The following PALLD variants were observed in gnomAD, a reference collection of about 807,000 sequenced individuals.
PALLD encodes the protein palladin, cytoskeletal associated protein.
In PALLD, 61 loss-of-function variants were observed where a neutral mutation model predicts 123.5. The observed-to-expected ratio is 0.49, with a 90% CI of 0.40 to 0.61. The LOEUF is 0.61. PALLD is among the 20% of genes least tolerant of loss of function. The pLI is 0.00. For missense variants in PALLD, 1,273 were observed against 1,377.0 expected, an observed-to-expected ratio of 0.92 and a Z score of 1.20; for synonymous variants, 465 against 496.4, an observed-to-expected ratio of 0.94 and a Z score of 0.84.
intron 20 of PALLD, 49 bp from the exon 21 acceptor site, chr4:168,925,179 GTGTTT>G: frequency 1.3e-6 from 2 of 1,580,308 alleles, no homozygotes; most frequent in Non-Finnish European, 1.7e-6. Flanking sequence ...AACAACTATT[GTGTTT>G]TATTTGTCAA....
At position 168,924,570 on chromosome 4, in the gene PALLD, G is replaced by A. The variant is rs113804092; in HGVS notation, c.3224+150G>A. The A allele has an allele frequency of 3.1e-4, 251 of 811,046 alleles. 1 individual carries two copies. The African/African-American group carries it at 3.5e-3, about 11-fold the overall frequency. 50.2% of individuals were successfully genotyped at this position (811,046 alleles called of 1,614,324 possible). A position where few individuals can be genotyped will look rare whatever the true frequency, so the allele number is the denominator to read the frequency against. On this transcript the variant is annotated intron_variant, in intron 19 of 21. Coordinates refer to ENST00000505667, the MANE Select transcript of PALLD (RefSeq NM_001166108.2). The stretch of plus-strand genomic sequence containing the variant: ...AATCAATCAAAGACAAAAACCATGC[G>A]TTACCCAATGTAGGATTAAGCTTTT...
intron 10 of PALLD, among the ~76,000 whole-genome samples, chr4:168,795,860 C>T (rs1738424645): frequency 6.6e-6 from 1 of 152,016 alleles, no homozygotes; most frequent in African/African-American, 2.4e-5. Context: ...AGGCAAGCAC[C>T]ACCACATCTG....
intron 10 of PALLD, among the ~76,000 whole-genome samples, chr4:168,824,581 A>G (rs2150812507): frequency 6.6e-6 from 1 of 152,224 alleles, no homozygotes; most frequent in East Asian, 1.9e-4. Flanking sequence ...AATATCATAT[A>G]CTAATACAAG....
In PALLD at chr4:168,913,983, A is replaced by G. The variant is rs1059444; in HGVS notation, c.2679A>G (p.Arg893=). Residue 893 remains arginine, a synonymous_variant, in exon 16 of 22, where the codon CGA becomes CGG. Coordinates refer to ENST00000505667, the MANE Select transcript of PALLD (RefSeq NM_001166108.2). ...TACAGGCTGTCAACCAAAGAGGTCG[A>G]AGTCCCCGGTCTCCCTCAGGCCATC... ...LMVQAVNQRG[R]SPRSPSGHPH... The G allele has an allele frequency of 0.1, 162,484 of 1,611,468 alleles. 9,124 individuals are homozygous for G. Among genetic ancestry groups the G allele is most frequent in the African/African-American group, 0.2 (14,945 of 74,884 alleles).
intron 10 of PALLD, among the ~76,000 whole-genome samples, chr4:168,724,171 T>A (rs1235010660): frequency 6.6e-6 from 1 of 152,238 alleles, no homozygotes; most frequent in Non-Finnish European, 1.5e-5. Flanking sequence ...ATTCCTCATT[T>A]GTGTATTTTA....
chr4:168,701,710 C>T lies in PALLD; in HGVS notation c.1502-7318C>T, dbSNP rs570218817. ...TGGCAAGGACATTTCTCTCAGTGTTCCCAGAACCTCTGTCTTTCCAGGTGT... is the reference window on the plus strand; with the variant it reads ...TGGCAAGGACATTTCTCTCAGTGTTTCCAGAACCTCTGTCTTTCCAGGTGT... On this transcript the variant is annotated intron_variant, in intron 8 of 21. Transcript: ENST00000505667. Among the ~76,000 whole-genome samples the T allele has an allele frequency of 2.0e-5, 3 of 152,290 alleles. No homozygotes were observed. The East Asian group carries it at 5.8e-4, about 29-fold the overall frequency.
At chr4:168,592,177 C>T (rs1303695871) in intron 2 of PALLD, among the ~76,000 whole-genome samples, 1 of 152,036 alleles carries the variant, frequency 6.6e-6, no homozygotes, top group Non-Finnish European at 1.5e-5. Context: ...CCACCACGCA[C>T]CTGTAAGATT....
chr4:168,768,389 A>G (rs1321241386), intron 10 of PALLD, among the ~76,000 whole-genome samples: 1 of 152,208 alleles, frequency 6.6e-6, no homozygotes, highest in African/African-American at 2.4e-5. Context: ...CTGAACCTGG[A>G]ACACTTTGTT....
chr4:168,603,232 C>A (rs1394574893), intron 2 of PALLD, among the ~76,000 whole-genome samples: 2 of 152,154 alleles, frequency 1.3e-5, no homozygotes, highest in Admixed American at 6.5e-5. Flanking sequence ...CAGTGTTTAT[C>A]AACATTTTAA....
chr4:168,811,264 G>A (rs1179771923), intron 10 of PALLD, among the ~76,000 whole-genome samples: 1 of 152,158 alleles, frequency 6.6e-6, no homozygotes. Context: ...GCGTCTTGGT[G>A]TTTTTCCAGT....
intron 2 of PALLD, among the ~76,000 whole-genome samples, chr4:168,575,141 T>G (rs1166062881): frequency 6.6e-6 from 1 of 152,062 alleles, no homozygotes; most frequent in African/African-American, 2.4e-5. Context: ...TTCTCTCACT[T>G]TAGTATGCAT....
At chr4:168,743,972 G>A (rs1165227586) in intron 10 of PALLD, among the ~76,000 whole-genome samples, 1 of 152,134 alleles carries the variant, frequency 6.6e-6, no homozygotes, top group Non-Finnish European at 1.5e-5. Context: ...TATAGATAGA[G>A]GGGAATCCCA....
intron 2 of PALLD, among the ~76,000 whole-genome samples, chr4:168,594,261 T>G (rs59813222): frequency 0.099 from 15,046 of 152,148 alleles, 810 homozygotes; most frequent in Admixed American, 0.13. Context: ...AGATGGAATT[T>G]GATGATCAGT....
At chr4:168,811,741 C>T (rs926900704) in intron 10 of PALLD, among the ~76,000 whole-genome samples, 34 of 143,940 alleles carry the variant, frequency 2.4e-4, no homozygotes, top group Non-Finnish European at 5.1e-4. Context: ...GACCCTGTCT[C>T]TCTTTCTCTC....
chr4:168,514,590 T>C (rs776878581), intron 2 of PALLD, among the ~76,000 whole-genome samples: 2 of 152,228 alleles, frequency 1.3e-5, no homozygotes, highest in Non-Finnish European at 2.9e-5. Context: ...AATTTGTTTC[T>C]TACATTTTAC....
At chr4:168,546,754 G>A (rs142430394) in intron 2 of PALLD, among the ~76,000 whole-genome samples, 159 of 152,250 alleles carry the variant, frequency 1.0e-3, no homozygotes, top group African/African-American at 3.5e-3. Flanking sequence ...AAAACTAAGC[G>A]CAAATTCCAA....
chr4:168,890,143 C>G (rs1243481030), intron 10 of PALLD, among the ~76,000 whole-genome samples: 1 of 152,188 alleles, frequency 6.6e-6, no homozygotes, highest in African/African-American at 2.4e-5. Context: ...AGAAGTGATT[C>G]TGTACCCCTC....
At chr4:168,794,072 G>A (rs867239419) in intron 10 of PALLD, among the ~76,000 whole-genome samples, 58 of 152,212 alleles carry the variant, frequency 3.8e-4, no homozygotes, top group African/African-American at 1.2e-3. Context: ...GGCTCCTCCC[G>A]TCCTCAGCCT....
chr4:168,810,459 A>G (rs1369208255), intron 10 of PALLD, among the ~76,000 whole-genome samples: 1 of 152,112 alleles, frequency 6.6e-6, no homozygotes, highest in African/African-American at 2.4e-5. Flanking sequence ...GTTCGAGACC[A>G]GCCTGGCCAA....
Sources: allele counts gnomAD v4.1 joint callset (sites outside exome capture counted in the v4.1 genomes callset), GRCh38; gene constraint gnomAD v4.1.1; transcripts MANE v1.5; gene names NCBI Gene and HGNC (gene_info 2026-07-23, HGNC 2026-07-21).